Variants in PLEKHA7 observed in about 807,000 individuals in gnomAD.
PLEKHA7 encodes the protein pleckstrin homology domain-containing family A member 7.
PLEKHA7 carries 104 observed loss-of-function variants against 170.0 expected under a neutral mutation model. That is an observed-to-expected ratio of 0.61 (90% CI 0.52 to 0.72). PLEKHA7 has a LOEUF of 0.72. PLEKHA7 is among the 30% of genes least tolerant of loss of function. PLEKHA7 has a pLI of 0.00. For missense variants in PLEKHA7, 1,615 were observed against 1,671.7 expected, an observed-to-expected ratio of 0.97 and a Z score of 0.59; for synonymous variants, 648 against 660.8, an observed-to-expected ratio of 0.98 and a Z score of 0.30.
At chr11:16,845,358 G>T (rs551178854) in intron 8 of PLEKHA7, among the ~76,000 whole-genome samples, 1 of 152,122 alleles carries the variant, frequency 6.6e-6, no homozygotes, top group African/African-American at 2.4e-5. Flanking sequence ...GTTTTGTTTT[G>T]TTATGTTGTT....
chr11:16,780,191 G>C (rs1309768552), intron 26 of PLEKHA7, among the ~76,000 whole-genome samples: 7 of 152,190 alleles, frequency 4.6e-5, no homozygotes, highest in African/African-American at 1.7e-4. Context: ...CAGGTGAACC[G>C]CTGGGCTCAA....
At chr11:16,976,857 T>A (rs1863098653) in intron 3 of PLEKHA7, among the ~76,000 whole-genome samples, 1 of 152,234 alleles carries the variant, frequency 6.6e-6, no homozygotes, top group African/African-American at 2.4e-5. Flanking sequence ...CTAGCTCATG[T>A]GCCATGCTAG....
At chr11:16,945,709 A>G (rs1212881539) in intron 3 of PLEKHA7, among the ~76,000 whole-genome samples, 2 of 152,196 alleles carry the variant, frequency 1.3e-5, no homozygotes, top group Non-Finnish European at 2.9e-5. Context: ...GTGAGGGGAC[A>G]TGAGGGGAAG....
chr11:17,010,432 A>C (rs1338843235), intron 3 of PLEKHA7, among the ~76,000 whole-genome samples: 2 of 151,510 alleles, frequency 1.3e-5, no homozygotes. Flanking sequence ...AAAGAAATGG[A>C]CTCTGGAGAG....
intron 3 of PLEKHA7, among the ~76,000 whole-genome samples, chr11:16,919,094 A>C (rs370439856): frequency 6.5e-4 from 99 of 152,246 alleles, no homozygotes; most frequent in African/African-American, 2.2e-3. Context: ...GATGCCTGTA[A>C]TTCCAGCTAC....
At chr11:16,855,426 C>T (rs981659461) in intron 5 of PLEKHA7, among the ~76,000 whole-genome samples, 5 of 152,192 alleles carry the variant, frequency 3.3e-5, no homozygotes, top group Non-Finnish European at 7.3e-5. Context: ...TGTTTCTACA[C>T]CTGGAGCACA....
chr11:16,916,134 T>C (rs1035491316), intron 3 of PLEKHA7, among the ~76,000 whole-genome samples: 2 of 152,236 alleles, frequency 1.3e-5, no homozygotes, highest in Non-Finnish European at 2.9e-5. Flanking sequence ...CATTGTTTCA[T>C]GTGTTTTTTG....
intron 3 of PLEKHA7, among the ~76,000 whole-genome samples, chr11:16,951,464 C>G (rs186757394): frequency 1.0e-3 from 158 of 152,272 alleles, no homozygotes; most frequent in Admixed American, 0.01. Context: ...GATTGTCTCA[C>G]TGAATCCTTA....
At chr11:16,819,184 G>A (rs748549143) in intron 10 of PLEKHA7, among the ~76,000 whole-genome samples, 7 of 151,808 alleles carry the variant, frequency 4.6e-5, no homozygotes, top group African/African-American at 7.3e-5. Flanking sequence ...TGCAACCTCC[G>A]CCTCCCGAGT....
At chr11:16,962,972 C>T (rs191125032) in intron 3 of PLEKHA7, among the ~76,000 whole-genome samples, 1 of 152,360 alleles carries the variant, frequency 6.6e-6, no homozygotes, top group Admixed American at 6.5e-5. Flanking sequence ...CAAATGCATA[C>T]TTGTTCCTCC....
intron 3 of PLEKHA7, among the ~76,000 whole-genome samples, chr11:16,937,854 C>T (rs373878860): frequency 2.8e-4 from 43 of 152,210 alleles, no homozygotes; most frequent in African/African-American, 9.9e-4. Flanking sequence ...GTGATCCACC[C>T]GCCTCGGCCT....
intron 13 of PLEKHA7, among the ~76,000 whole-genome samples, chr11:16,811,733 A>C (rs896272723): frequency 6.6e-6 from 1 of 152,182 alleles, no homozygotes; most frequent in Non-Finnish European, 1.5e-5. Context: ...CTCACATGCT[A>C]AAGCCAGGTC....
chr11:16,991,126 C>T (rs1864019605), intron 3 of PLEKHA7, among the ~76,000 whole-genome samples: 4 of 152,120 alleles, frequency 2.6e-5, no homozygotes, highest in South Asian at 2.1e-4. Flanking sequence ...AGCCGGAGTA[C>T]CCAAGGCCCA....
chr11:16,819,382 G>T (rs1015381776), intron 10 of PLEKHA7, among the ~76,000 whole-genome samples: 3 of 152,200 alleles, frequency 2.0e-5, no homozygotes, highest in African/African-American at 7.2e-5. Context: ...ACAGGCATGA[G>T]CCACCGCACC....
intron 3 of PLEKHA7, among the ~76,000 whole-genome samples, chr11:16,873,239 A>G (rs1855008310): frequency 6.6e-6 from 1 of 152,232 alleles, no homozygotes; most frequent in Non-Finnish European, 1.5e-5. Context: ...CACAAAGGTT[A>G]TAAAAGAAAA....
intron 10 of PLEKHA7, among the ~76,000 whole-genome samples, chr11:16,821,020 C>T (rs576075117): frequency 1.3e-5 from 2 of 152,250 alleles, no homozygotes; most frequent in South Asian, 2.1e-4. Flanking sequence ...TTGCTGGCCC[C>T]CTAACCTCCG....
At chr11:16,983,792 C>T (rs1449509787) in intron 3 of PLEKHA7, among the ~76,000 whole-genome samples, 1 of 152,188 alleles carries the variant, frequency 6.6e-6, no homozygotes, top group Non-Finnish European at 1.5e-5. Context: ...CCCTGGATGC[C>T]GTAGCTCCCA....
At chr11:16,788,797 G>A in intron 23 of PLEKHA7, 1 of 491,482 alleles carries the variant, frequency 2.0e-6, no homozygotes, top group South Asian at 2.5e-5. Flanking sequence ...CCTGAATTCA[G>A]CCGAGATTCC....
chr11:16,928,758 A>G (rs1486773430), intron 3 of PLEKHA7, among the ~76,000 whole-genome samples: 2 of 152,050 alleles, frequency 1.3e-5, no homozygotes, highest in South Asian at 2.1e-4. Flanking sequence ...CCTGGCCCTC[A>G]TGTAGATTTT....
Sources: gnomAD v4.1 joint callset for allele counts (sites outside exome capture counted in the v4.1 genomes callset) on GRCh38, gnomAD v4.1.1 for gene constraint, MANE v1.5 for transcripts, NCBI Gene and HGNC (gene_info 2026-07-23, HGNC 2026-07-21) for gene names.